XPO7: variants seen among roughly 807,000 people sequenced by gnomAD.
XPO7 encodes exportin 7, also known as exportin-7.
A neutral mutation model predicts 144.3 loss-of-function variants in XPO7; 21 were observed. That is an observed-to-expected ratio of 0.15 (90% CI 0.10 to 0.21). The LOEUF (loss-of-function observed/expected upper bound fraction) is 0.21, where lower values mean the gene tolerates loss of function less well. Among genes scored for constraint, XPO7 ranks in the 10% least tolerant of loss-of-function variants. The pLI, the probability that XPO7 is intolerant of heterozygous loss-of-function variation, is 1.00. For missense variants in XPO7, 808 were observed against 1,325.8 expected (o/e 0.61, Z 6.06); for synonymous variants, 580 against 499.6 (o/e 1.16, Z -2.15).
At position 21,984,765 on chromosome 8, in the gene XPO7, A is replaced by G; in HGVS notation, c.1397A>G (p.Asp466Gly). Residue 466 changes from aspartate to glycine, a missense_variant, in exon 12 of 28, where the codon GAC (aspartate) becomes GGC (glycine). Physicochemically the swap from Asp to Gly is moderately conservative, Grantham distance 94. Coordinates refer to ENST00000252512, the MANE Select transcript of XPO7 (RefSeq NM_015024.5). ...TGTGCACTCCTCGTGCAGTTGTTTG[A>G]CCAGTCGGCCCAGTCGTACCAGGAG... Reference protein sequence around the residue: ...KTCALLVQLFDQSAQSYQELL... With the variant: ...KTCALLVQLFGQSAQSYQELL... 1 of 1,613,958 alleles carries G rather than the reference A, an allele frequency of 6.2e-7. No individual in the cohort carries two copies. The highest frequency in any genetic ancestry group is 2.2e-5 in the East Asian group (1 of 44,872).
chr8:21,940,539 G>A (rs187804008), intron 1 of XPO7, among the ~76,000 whole-genome samples: 2 of 149,742 alleles, frequency 1.3e-5, no homozygotes, highest in Non-Finnish European at 3.0e-5. Context: ...GTGTGATCTC[G>A]GCTCACTGCA....
At position 21,974,130 on chromosome 8, in the gene XPO7, T is replaced by C. The variant is rs374076697; in HGVS notation, c.493-540T>C. Among the ~76,000 whole-genome samples, 45 of 152,272 alleles carry C rather than the reference T, an allele frequency of 3.0e-4. No individual in the cohort carries two copies. The South Asian group carries it at 8.1e-3, about 27-fold the overall frequency. On this transcript the variant is annotated intron_variant, in intron 5 of 27. Transcript: ENST00000252512. The stretch of plus-strand genomic sequence containing the variant: ...GGAGTGCAGTGCAGCCACGAATGCC[T>C]GGGCTCCAGGCCCTCCTGAGTAGCT...
chr8:21,994,489 C>A, intron 20 of XPO7, 38 bp downstream of exon 20: 2 of 1,566,144 alleles, frequency 1.3e-6, no homozygotes, highest in South Asian at 1.1e-5. Context: ...TACAGCCTGC[C>A]TTAACTGGAG....
chr8:21,922,139 A>G (rs1235350744), intron 1 of XPO7, among the ~76,000 whole-genome samples: 4 of 152,182 alleles, frequency 2.6e-5, no homozygotes, highest in Non-Finnish European at 4.4e-5. Context: ...TTGTTGAACT[A>G]AATAGTCGAG....
chr8:21,934,673 T>A (rs1249459693), intron 1 of XPO7, among the ~76,000 whole-genome samples: 1 of 152,108 alleles, frequency 6.6e-6, no homozygotes, highest in Non-Finnish European at 1.5e-5. Context: ...AAGACGTGGA[T>A]GAACTGTAAG....
chr8:21,992,521 T>A (rs939766479), intron 19 of XPO7, among the ~76,000 whole-genome samples: 5 of 152,162 alleles, frequency 3.3e-5, no homozygotes, highest in African/African-American at 1.2e-4. Context: ...CTTAGAAAGG[T>A]TTAAGAATTT....
At chr8:21,949,300 T>C (rs1449147559) in intron 1 of XPO7, among the ~76,000 whole-genome samples, 2 of 152,232 alleles carry the variant, frequency 1.3e-5, no homozygotes, top group Admixed American at 6.5e-5. Context: ...CCGTTATTGC[T>C]CTGTCAGCCA....
intron 1 of XPO7, among the ~76,000 whole-genome samples, chr8:21,927,825 G>C (rs181718646): frequency 1.8e-4 from 28 of 152,272 alleles, no homozygotes; most frequent in Admixed American, 5.2e-4. Flanking sequence ...GATTACAGGC[G>C]TGAGCCACCG....
intron 8 of XPO7, 73 bp from the exon 9 acceptor site, chr8:21,980,010 AG>A (rs1480355962): frequency 1.1e-5 from 15 of 1,423,388 alleles, no homozygotes; most frequent in Non-Finnish European, 1.4e-5. Context: ...ATATTGTAGG[AG>A]GTGGAACGTT....
intron 26 of XPO7, 101 bp downstream of exon 26, chr8:22,003,418 T>A: frequency 1.0e-5 from 9 of 876,662 alleles, no homozygotes; most frequent in Admixed American, 2.8e-5. Flanking sequence ...CACCCCACGG[T>A]GGTGAAACAG....
intron 19 of XPO7, among the ~76,000 whole-genome samples, chr8:21,993,261 AACAACCTTGGTAATGGACT>A (rs1290273831): frequency 1.3e-5 from 2 of 152,200 alleles, no homozygotes; most frequent in Admixed American, 6.5e-5. Flanking sequence ...TAACCAAAAG[AACAACCTTGGTAATGGACT>A]ACAGCTGTCA....
At chr8:21,933,788 G>T (rs1273653174) in intron 1 of XPO7, among the ~76,000 whole-genome samples, 1 of 152,112 alleles carries the variant, frequency 6.6e-6, no homozygotes, top group Non-Finnish European at 1.5e-5. Context: ...ACTGTTATCA[G>T]GTTAATGAGG....
intron 15 of XPO7, chr8:21,988,274 G>T: frequency 5.5e-6 from 1 of 180,800 alleles, no homozygotes; most frequent in Non-Finnish European, 1.2e-5. Context: ...CTTAAAAATG[G>T]GCTTATTCCT....
At chr8:21,963,824 C>T (rs1350770607) in intron 1 of XPO7, among the ~76,000 whole-genome samples, 1 of 152,132 alleles carries the variant, frequency 6.6e-6, no homozygotes, top group African/African-American at 2.4e-5. Context: ...TTATTTTCCC[C>T]TAATCTAGAG....
rs1020739418 is a variant in XPO7, at chr8:21,952,864, A to G, written c.19-13993A>G. Among the ~76,000 whole-genome samples the G allele has an allele frequency of 7.9e-5, 12 of 152,246 alleles. 1 individual carries two copies. Among genetic ancestry groups the G allele is most frequent in the Admixed American group, 7.8e-4 (12 of 15,288 alleles). On this transcript the variant is annotated intron_variant, in intron 1 of 27. Transcript: ENST00000252512. ...TTAAATATTGGTTAGTAAACTAGCCAGCATTAAGATCAAACTGCGGAAGGA... is the reference window on the plus strand; with the variant it reads ...TTAAATATTGGTTAGTAAACTAGCCGGCATTAAGATCAAACTGCGGAAGGA...
chr8:22,003,209 C>G lies in XPO7; in HGVS notation c.2944-10C>G. 1 of 1,601,612 alleles carries G rather than the reference C, an allele frequency of 6.2e-7. No individual in the cohort carries two copies. Among genetic ancestry groups the G allele is most frequent in the Non-Finnish European group, 8.5e-7 (1 of 1,173,550 alleles). ...AGGTCACTGCCTGAAATTCTCCATTCCATTTTCAGATGCTGTCCACGGTGC... is the reference window on the plus strand; with the variant it reads ...AGGTCACTGCCTGAAATTCTCCATTGCATTTTCAGATGCTGTCCACGGTGC... On this transcript the variant is annotated splice_polypyrimidine_tract_variant and intron_variant, in intron 25 of 27. Transcript: ENST00000252512.
At chr8:21,995,232 A>G (rs1201829344) in intron 20 of XPO7, among the ~76,000 whole-genome samples, 1 of 152,146 alleles carries the variant, frequency 6.6e-6, no homozygotes, top group Non-Finnish European at 1.5e-5. Context: ...AAGGACAAAT[A>G]ACAGTATGAA....
rs1244414566 is a variant in XPO7, at chr8:21,949,678, C to T, written c.19-17179C>T. The stretch of plus-strand genomic sequence containing the variant: ...ACAAAGGCATGGCAGCCACTGCCCT[C>T]TGCCAGGAGTCAGGTGAAGCTCAGT... On this transcript the variant is annotated intron_variant, in intron 1 of 27. Transcript: ENST00000252512. 2.0e-5 allele frequency among the ~76,000 whole-genome samples: 3 copies of T among 152,070 alleles called. No homozygotes were observed. In the East Asian group the frequency reaches 5.8e-4, roughly 29 times the overall value.
chr8:21,960,725 A>G (rs1811700484), intron 1 of XPO7, among the ~76,000 whole-genome samples: 1 of 152,208 alleles, frequency 6.6e-6, no homozygotes, highest in African/African-American at 2.4e-5. Context: ...TCTGCAACCA[A>G]AAGTGTTACT....
Sources: allele counts gnomAD v4.1 joint callset (sites outside exome capture counted in the v4.1 genomes callset), GRCh38; gene constraint gnomAD v4.1.1; transcripts MANE v1.5; gene names NCBI Gene and HGNC (gene_info 2026-07-23, HGNC 2026-07-21).